TENM4: variants seen among roughly 807,000 people sequenced by gnomAD.
TENM4 encodes the protein teneurin-4.
Under a neutral mutation model 243.3 loss-of-function variants are expected in TENM4, and 82 were observed. That is an observed-to-expected ratio of 0.34 (90% CI 0.28 to 0.40). The LOEUF (loss-of-function observed/expected upper bound fraction) is 0.40, where lower values mean the gene tolerates loss of function less well. TENM4 is among the 10% of genes least tolerant of loss of function. The pLI is 1.00. For synonymous variants in TENM4, 1,412 were observed against 1,456.3 expected, an observed-to-expected ratio of 0.97 and a Z score of 0.69; for missense variants, 3,138 against 3,673.3, an observed-to-expected ratio of 0.85 and a Z score of 3.77.
chr11:79,015,008 C>A (rs754362222), intron 6 of TENM4, among the ~76,000 whole-genome samples: 9 of 152,172 alleles, frequency 5.9e-5, no homozygotes, highest in Admixed American at 2.6e-4. Context: ...CCCTGTATCT[C>A]CAGGCCCTGG....
chr11:78,769,232 C>T (rs932039235), intron 18 of TENM4, among the ~76,000 whole-genome samples: 1 of 152,198 alleles, frequency 6.6e-6, no homozygotes, highest in African/African-American at 2.4e-5. Flanking sequence ...TGTAGGCTGA[C>T]ATCTCTTTCC....
intron 3 of TENM4, among the ~76,000 whole-genome samples, chr11:79,188,090 A>G (rs1863410740): frequency 6.6e-6 from 1 of 152,190 alleles, no homozygotes; most frequent in Non-Finnish European, 1.5e-5. Flanking sequence ...CATTTAATCC[A>G]CACAACTGCT....
chr11:78,717,235 T>G (rs1039695017), intron 25 of TENM4, among the ~76,000 whole-genome samples: 7 of 152,232 alleles, frequency 4.6e-5, no homozygotes, highest in Non-Finnish European at 8.8e-5. Flanking sequence ...GCCCTCATTC[T>G]GGATGGTGTT....
In TENM4 at chr11:79,288,518, G is replaced by T. The variant is rs144664392; in HGVS notation, c.-265+8970C>A. Among the ~76,000 whole-genome samples, 20 of 152,354 alleles carry T rather than the reference G, an allele frequency of 1.3e-4. No homozygotes were observed. In the East Asian group the frequency reaches 3.9e-3, roughly 29 times the overall value. ...GAACTCTGGCAAAGCTCAGTAAAGA[G>T]AATCTGGATTCATGAAGAGATCATC... On this transcript the variant is annotated intron_variant, in intron 2 of 33. Transcript: ENST00000278550.
intron 6 of TENM4, among the ~76,000 whole-genome samples, chr11:79,011,631 G>A (rs1476179171): frequency 6.6e-6 from 1 of 152,156 alleles, no homozygotes; most frequent in African/African-American, 2.4e-5. Context: ...CCCCAACAGG[G>A]GTCTGCACCC....
In TENM4 at chr11:79,118,269, A is replaced by G. The variant is rs573081929; in HGVS notation, c.-66+30441T>C. On this transcript the variant is annotated intron_variant, in intron 4 of 33. Coordinates refer to ENST00000278550, the MANE Select transcript of TENM4 (RefSeq NM_001098816.3). ...TTATGAAAGGACTTGGCAAATGATA[A>G]AGAGAAGAGAAAGAAACACTGTCAG... is the stretch of plus-strand genomic sequence containing the variant. Among the ~76,000 whole-genome samples the G allele has an allele frequency of 2.3e-4, 35 of 152,290 alleles. 1 individual carries two copies. The highest frequency in any genetic ancestry group is 8.2e-4 in the African/African-American group (34 of 41,552).
intron 6 of TENM4, among the ~76,000 whole-genome samples, chr11:78,923,291 G>A (rs1160586471): frequency 1.3e-5 from 2 of 152,126 alleles, no homozygotes; most frequent in African/African-American, 4.8e-5. Context: ...CCCCATAAAA[G>A]ACGTAGCCTG....
chr11:78,799,611 A>G (rs575742052), intron 15 of TENM4, among the ~76,000 whole-genome samples: 2 of 152,380 alleles, frequency 1.3e-5, no homozygotes, highest in South Asian at 2.1e-4. Context: ...GCCATAGTCT[A>G]TGCTTAAGCT....
At chr11:79,090,144 C>T (rs183612072) in intron 4 of TENM4, among the ~76,000 whole-genome samples, 204 of 152,316 alleles carry the variant, frequency 1.3e-3, no homozygotes, top group Admixed American at 2.5e-3. Flanking sequence ...GAGCAGAGCT[C>T]GGACTCTACT....
chr11:78,720,489 T>C, intron 24 of TENM4, 99 bp from the exon 25 acceptor site: 1 of 1,113,822 alleles, frequency 9.0e-7, no homozygotes, highest in East Asian at 2.4e-5. Flanking sequence ...ACAGCAATGG[T>C]ACTATACAAT....
At position 79,424,193 on chromosome 11, in the gene TENM4, G is replaced by A. The variant is rs965780007; in HGVS notation, c.-321+16316C>T. Among the ~76,000 whole-genome samples the A allele has an allele frequency of 7.9e-5, 12 of 152,236 alleles. 1 individual carries two copies. The South Asian group carries it at 1.7e-3, about 21-fold the overall frequency. On this transcript the variant is annotated intron_variant, in intron 1 of 33. Transcript: ENST00000278550. ...TTTGGCAATGTCTGTCAACATTTTT[G>A]GTTGTCACAATTGGCGGGGAAGGCA...
rs114351773 is a variant in TENM4 at position 79,057,407 on chromosome 11, T to G, written c.493+7331A>C. Among the ~76,000 whole-genome samples the G allele has an allele frequency of 4.1e-3, 627 of 152,166 alleles. 5 individuals are homozygous for G. Among genetic ancestry groups the G allele is most frequent in the African/African-American group, 0.014 (587 of 41,494 alleles). On this transcript the variant is annotated intron_variant, in intron 6 of 33. Transcript: ENST00000278550. Reference sequence around the variant, plus strand: ...TTCCCTCTCCCAAGATTGTTTTACTTCCAGACATCCTCACAGCCTGCTCCC... The same window carrying G: ...TTCCCTCTCCCAAGATTGTTTTACTGCCAGACATCCTCACAGCCTGCTCCC...
At chr11:78,893,153 C>T (rs1015233545) in intron 7 of TENM4, among the ~76,000 whole-genome samples, 1 of 152,208 alleles carries the variant, frequency 6.6e-6, no homozygotes, top group Non-Finnish European at 1.5e-5. Context: ...GTGTGCAAGC[C>T]CCTAAAGTCT....
intron 1 of TENM4, among the ~76,000 whole-genome samples, chr11:79,416,528 C>G (rs964784318): frequency 6.6e-6 from 1 of 152,100 alleles, no homozygotes; most frequent in African/African-American, 2.4e-5. Flanking sequence ...TCAGCTATAA[C>G]ATAAAAATTT....
intron 7 of TENM4, among the ~76,000 whole-genome samples, chr11:78,893,992 A>G (rs1232355298): frequency 2.0e-5 from 3 of 152,184 alleles, no homozygotes; most frequent in Admixed American, 6.5e-5. Flanking sequence ...GTTCACTGCT[A>G]TGTGCCCAGA....
At chr11:79,055,155 T>C (rs114512462) in intron 6 of TENM4, among the ~76,000 whole-genome samples, 6,002 of 151,302 alleles carry the variant, frequency 0.04, 345 homozygotes, top group African/African-American at 0.13. Context: ...GTAACTGGAA[T>C]AAAAAGTTTA....
chr11:79,124,218 T>C (rs2137139316), intron 4 of TENM4, among the ~76,000 whole-genome samples: 1 of 152,296 alleles, frequency 6.6e-6, no homozygotes, highest in South Asian at 2.1e-4. Flanking sequence ...TGGTTAATAT[T>C]GAGTGCCAAC....
chr11:79,131,955 T>C (rs1427379075), intron 4 of TENM4, among the ~76,000 whole-genome samples: 1 of 152,070 alleles, frequency 6.6e-6, no homozygotes, highest in East Asian at 1.9e-4. Flanking sequence ...CATTATATAA[T>C]GGTAAAAGGC....
chr11:78,992,484 A>G lies in TENM4; in HGVS notation c.493+72254T>C, dbSNP rs375703673. Among the ~76,000 whole-genome samples, 6 of 152,190 alleles carry G rather than the reference A, an allele frequency of 3.9e-5. No homozygotes were observed. The East Asian group carries it at 5.8e-4, about 15-fold the overall frequency. ...TTAGGTTAGAAGACATAGCTCATTC[A>G]TCTCAGGATTCCATGGCTTAAAAGA... On this transcript the variant is annotated intron_variant, in intron 6 of 33. Transcript: ENST00000278550.
Sources: allele counts gnomAD v4.1 joint callset (sites outside exome capture counted in the v4.1 genomes callset), GRCh38; gene constraint gnomAD v4.1.1; transcripts MANE v1.5; gene names NCBI Gene and HGNC (gene_info 2026-07-23, HGNC 2026-07-21).